The following KIFC3 variants were observed in gnomAD, a reference collection of about 807,000 sequenced individuals.
KIFC3 encodes the protein kinesin family member C3.
A neutral mutation model predicts 101.8 loss-of-function variants in KIFC3; 60 were observed. The observed-to-expected ratio is 0.59, with a 90% CI of 0.48 to 0.73. The LOEUF is 0.73. KIFC3 is among the 30% of genes least tolerant of loss of function. The pLI is 0.00. For synonymous variants in KIFC3, 476 were observed against 482.7 expected (o/e 0.99, Z 0.18); for missense variants, 966 against 1,137.1 (o/e 0.85, Z 2.16).
intron 19 of KIFC3, 106 bp from the exon 20 acceptor site, chr16:57,759,015 C>T (rs1369898192): frequency 4.6e-6 from 7 of 1,530,320 alleles, no homozygotes; most frequent in East Asian, 2.3e-5. Context: ...CATAGACAAG[C>T]GACAGCAGGG....
rs565565227 is a variant in KIFC3, at chr16:57,822,924, A to G, written c.109-24642T>C. 6.0e-5 allele frequency among the ~76,000 whole-genome samples: 9 copies of G among 149,614 alleles called. No individual in the cohort carries two copies. In the South Asian group the frequency reaches 1.9e-3, roughly 32 times the overall value. ...AATTTCCTGATTGTGATCATTGTAT[A>G]TTGGTTATGTAAACCAAAAATTAAA... is the stretch of plus-strand genomic sequence containing the variant. On this transcript the variant is annotated intron_variant, in intron 1 of 2. Coordinates refer to the KIFC3 transcript ENST00000563028.
intron 1 of KIFC3, chr16:57,810,508 C>A: frequency 4.6e-6 from 1 of 216,042 alleles, no homozygotes; most frequent in Non-Finnish European, 7.9e-6. Flanking sequence ...CCCGCCCGCC[C>A]CGCTGACACC....
chr16:57,772,481 C>G, intron 3 of KIFC3, 193 bp from the exon 4 acceptor site: 2 of 530,222 alleles, frequency 3.8e-6, no homozygotes, highest in Non-Finnish European at 6.9e-6. Flanking sequence ...CTGGTGCTGA[C>G]AGCCTCCCGC....
intron 1 of KIFC3, among the ~76,000 whole-genome samples, chr16:57,841,804 T>C (rs1173208450): frequency 6.6e-6 from 1 of 152,156 alleles, no homozygotes; most frequent in Non-Finnish European, 1.5e-5. Context: ...ATGAGTCTCT[T>C]GTGTCTGTCA....
At chr16:57,855,183 G>T (rs2056141311) in intron 1 of KIFC3, among the ~76,000 whole-genome samples, 1 of 144,820 alleles carries the variant, frequency 6.9e-6, no homozygotes, top group South Asian at 2.1e-4. Context: ...GGAGTGCAAT[G>T]GTGTCATCTT....
rs782753043 is a variant in KIFC3 at position 57,758,770 on chromosome 16, G to A, written c.*164C>T. 5.5e-6 allele frequency: 6 copies of A among 1,085,894 alleles called. No homozygotes were observed. The South Asian group carries it at 7.4e-5, about 13-fold the overall frequency. 67.3% of individuals were successfully genotyped at this position (1,085,894 alleles called of 1,614,324 possible). A position where few individuals can be genotyped will look rare whatever the true frequency, so the allele number is the denominator to read the frequency against. ...CTGAACATGTTTCTCATCTTTGAGG[G>A]GAGACGGGGCAGAAGAAGAGCCTCC... On this transcript the variant is annotated 3_prime_UTR_variant, in exon 20 of 20. Transcript: ENST00000445690.
intron 1 of KIFC3, among the ~76,000 whole-genome samples, chr16:57,811,856 A>C (rs1237997023): frequency 1.3e-5 from 2 of 149,308 alleles, no homozygotes; most frequent in African/African-American, 2.5e-5. Flanking sequence ...CAGAGGTTGC[A>C]GTGAGCCGAG....
At chr16:57,762,683 G>T (rs2050006585) in intron 12 of KIFC3, among the ~76,000 whole-genome samples, 1 of 152,126 alleles carries the variant, frequency 6.6e-6, no homozygotes, top group African/African-American at 2.4e-5. Flanking sequence ...TGGTAGAGAG[G>T]AGGCACAAGG....
chr16:57,784,029 C>T (rs542567619), intron 3 of KIFC3, among the ~76,000 whole-genome samples: 3 of 152,318 alleles, frequency 2.0e-5, no homozygotes, highest in East Asian at 1.9e-4. Flanking sequence ...CAGCTCAAGA[C>T]GCCCAGGGAC....
chr16:57,808,177 T>C (rs2054985679), upstream of KIFC3, among the ~76,000 whole-genome samples: 2 of 151,742 alleles, frequency 1.3e-5, no homozygotes, highest in South Asian at 2.1e-4. Context: ...CTTTGTGAGG[T>C]TTTTTTTCCC....
chr16:57,803,255 C>A (rs1229501783), upstream of KIFC3: 7 of 701,232 alleles, frequency 1.0e-5, no homozygotes, highest in Non-Finnish European at 1.8e-5. Flanking sequence ...TCAGAAGAGG[C>A]CTGGGGGAGG....
intron 1 of KIFC3, among the ~76,000 whole-genome samples, chr16:57,853,663 G>A (rs192456349): frequency 3.8e-4 from 57 of 151,908 alleles, no homozygotes; most frequent in African/African-American, 1.3e-3. Context: ...ACAAAGTCTC[G>A]CTCTGTCACC....
rs200436068 is a variant in KIFC3 at position 57,769,821 on chromosome 16, G to A, written c.1074C>T (p.His358=). Reference sequence around the variant, plus strand: ...TGGTCAGCTCACCTGCTAGATTCTCGTGCACAGCCTTCATCTCCACCTGGG... The same window carrying A: ...TGGTCAGCTCACCTGCTAGATTCTCATGCACAGCCTTCATCTCCACCTGGG... ...ARAQVEMKAV[H]ENLAGVRTNL... Residue 358 remains histidine (H), a synonymous_variant, in exon 8 of 20, where the codon CAC becomes CAT. Coordinates refer to ENST00000445690, the MANE Select transcript of KIFC3 (RefSeq NM_001130100.2). This position sits in a 1 kb window ranked among gnomAD's most constrained non-coding sequence, Gnocchi z 4.3. The A allele has an allele frequency of 2.3e-4, 376 of 1,613,400 alleles. 3 individuals are homozygous for A. The South Asian group carries it at 3.7e-3, about 16-fold the overall frequency.
chr16:57,855,058 A>G (rs1280619240), intron 1 of KIFC3, among the ~76,000 whole-genome samples: 1 of 152,090 alleles, frequency 6.6e-6, no homozygotes, highest in Non-Finnish European at 1.5e-5. Flanking sequence ...CATCTCTACA[A>G]AGAATAAAAA....
intron 2 of KIFC3, among the ~76,000 whole-genome samples, chr16:57,796,769 C>A (rs1243028268): frequency 6.6e-6 from 1 of 152,174 alleles, no homozygotes; most frequent in Non-Finnish European, 1.5e-5. Flanking sequence ...CAGACACACA[C>A]GACTAGAAGG....
Position 57,771,690 on chromosome 16 carries a change from C to G in KIFC3, c.382-4G>C, listed in dbSNP as rs1555608714. The G allele has an allele frequency of 6.2e-7, 1 of 1,610,086 alleles. No individual in the cohort carries two copies. The highest frequency in any genetic ancestry group is 1.3e-5 in the African/African-American group (1 of 74,996). ...GCTTCTCCAAGTCGGTGCCCCCCTG[C>G]AGAGAGCCAGGGCCGAGGGGGCGCA... is the stretch of plus-strand genomic sequence containing the variant. On this transcript the variant is annotated splice_region_variant and splice_polypyrimidine_tract_variant and intron_variant, in intron 4 of 19. Transcript: ENST00000445690.
Position 57,760,409 on chromosome 16 carries a change from G to A in KIFC3, c.2240C>T (p.Pro747Leu). ...CGTCTCGCTAGTGTTCTTCTCCACG[G>A]GGGACACCTAGGGGACACGAGAGCT... ...SKTLMVVQVSPVEKNTSETLY... is the reference protein window; with the variant it reads ...SKTLMVVQVSLVEKNTSETLY... Residue 747 changes from proline (P) to leucine (L), a missense_variant, in exon 17 of 20, where the codon CCC becomes CTC. Coordinates refer to ENST00000445690, the MANE Select transcript of KIFC3 (RefSeq NM_001130100.2). The A allele has an allele frequency of 6.2e-7, 1 of 1,613,654 alleles. No individual in the cohort carries two copies. The highest frequency in any genetic ancestry group is 8.5e-7 in the Non-Finnish European group (1 of 1,179,918).
chr16:57,768,554 A>T (rs539253027), intron 9 of KIFC3, among the ~76,000 whole-genome samples: 1 of 48,258 alleles, frequency 2.1e-5, no homozygotes, highest in East Asian at 3.4e-4. Context: ...TGGCTTAAGC[A>T]TGCTCAGAAC....
chr16:57,791,534 T>C (rs1382984546), intron 3 of KIFC3, among the ~76,000 whole-genome samples: 2 of 152,174 alleles, frequency 1.3e-5, no homozygotes, highest in Non-Finnish European at 2.9e-5. Context: ...ACACTGTGCT[T>C]GGGACCCACT....
Sources: allele counts gnomAD v4.1 joint callset (sites outside exome capture counted in the v4.1 genomes callset), GRCh38; gene constraint gnomAD v4.1.1; non-coding constraint Gnocchi (gnomAD v3.1); transcripts MANE v1.5; gene names NCBI Gene and HGNC (gene_info 2026-07-23, HGNC 2026-07-21).